Variants in SGCZ observed in about 807,000 individuals in gnomAD.
SGCZ encodes the protein sarcoglycan zeta.
Under a neutral mutation model 41.3 loss-of-function variants are expected in SGCZ, and 40 were observed. That is an observed-to-expected ratio of 0.97 (90% CI 0.75 to 1.26). The LOEUF is 1.26. Ranked by LOEUF, SGCZ falls within the 50% of genes most tolerant of loss-of-function variation. The pLI, the probability that SGCZ is intolerant of heterozygous loss-of-function variation, is 0.00. For missense variants in SGCZ, 552 were observed against 369.8 expected (o/e 1.49, Z -4.04); for synonymous variants, 206 against 137.5 (o/e 1.50, Z -3.49).
intron 2 of SGCZ, among the ~76,000 whole-genome samples, chr8:14,399,523 G>T (rs78702283): frequency 0.027 from 4,061 of 151,580 alleles, 105 homozygotes; most frequent in East Asian, 0.1. Flanking sequence ...ATTTGTTAAA[G>T]AAAAAAAAGT....
Position 14,090,611 on chromosome 8 carries a change from C to CTTGA in SGCZ, c.767_770dup (p.Lys257AsnfsTer27). On this transcript the variant is annotated frameshift_variant, in exon 8 of 8. Transcript: ENST00000382080. LOFTEE classifies it high-confidence loss of function. ...AGGAGCCAGTTGGTAGATTTCCCAGCTTGATTGTCTCTGCATTTAAAAATA... is the reference window on the plus strand; with the variant it reads ...AGGAGCCAGTTGGTAGATTTCCCAGCTTGATTGATTGTCTCTGCATTTAAAAATA... The CTTGA allele has an allele frequency of 6.2e-7, 1 of 1,611,606 alleles. No homozygotes were observed. Among genetic ancestry groups the CTTGA allele is most frequent in the Non-Finnish European group, 8.5e-7 (1 of 1,179,064 alleles).
intron 1 of SGCZ, among the ~76,000 whole-genome samples, chr8:14,990,133 T>C (rs890772583): frequency 1.3e-5 from 2 of 152,180 alleles, no homozygotes; most frequent in Non-Finnish European, 2.9e-5. Context: ...TCTGTTACTT[T>C]ATAAAGTGAA....
chr8:14,530,104 A>G (rs755330771), intron 2 of SGCZ, among the ~76,000 whole-genome samples: 10 of 152,030 alleles, frequency 6.6e-5, no homozygotes, highest in Admixed American at 3.3e-4. Flanking sequence ...CACATTTTCC[A>G]GTATACAAAA....
chr8:14,639,546 C>T (rs184037078), intron 1 of SGCZ, among the ~76,000 whole-genome samples: 309 of 151,782 alleles, frequency 2.0e-3, no homozygotes, highest in Non-Finnish European at 3.7e-3. Context: ...GCTAATGACT[C>T]AATAGTATTC....
chr8:14,406,251 A>T (rs1799209144), intron 2 of SGCZ, among the ~76,000 whole-genome samples: 1 of 152,002 alleles, frequency 6.6e-6, no homozygotes, highest in African/African-American at 2.4e-5. Context: ...CTCAGTTCTC[A>T]TCTCACAGAG....
At chr8:15,159,755 C>G (rs1470216642) in intron 1 of SGCZ, among the ~76,000 whole-genome samples, 16 of 66,892 alleles carry the variant, frequency 2.4e-4, no homozygotes, top group East Asian at 1.3e-3. Context: ...CCCCCCCACC[C>G]CCGCCACACA....
At chr8:14,277,428 A>T (rs866205761) in intron 3 of SGCZ, among the ~76,000 whole-genome samples, 34 of 139,052 alleles carry the variant, frequency 2.4e-4, no homozygotes, top group Middle Eastern at 3.5e-3. Context: ...TCACTTCCTC[A>T]TTTCTGCTAT....
intron 1 of SGCZ, among the ~76,000 whole-genome samples, chr8:14,561,859 C>G (rs1349500948): frequency 6.6e-6 from 1 of 152,112 alleles, no homozygotes; most frequent in Non-Finnish European, 1.5e-5. Flanking sequence ...TTATAAGGTT[C>G]AATGAAAGAT....
intron 1 of SGCZ, among the ~76,000 whole-genome samples, chr8:15,014,897 A>T (rs1410563149): frequency 6.6e-6 from 1 of 152,222 alleles, no homozygotes; most frequent in Non-Finnish European, 1.5e-5. Flanking sequence ...TGGCCCAAGC[A>T]GCCTTCTGTA....
chr8:14,500,276 G>C (rs1480289489), intron 2 of SGCZ, among the ~76,000 whole-genome samples: 4 of 151,926 alleles, frequency 2.6e-5, no homozygotes, highest in Non-Finnish European at 5.9e-5. Flanking sequence ...CCCTGCTTTT[G>C]TTGTTGTTGT....
At chr8:14,745,672 C>T (rs886765276) in intron 1 of SGCZ, among the ~76,000 whole-genome samples, 13 of 151,902 alleles carry the variant, frequency 8.6e-5, no homozygotes, top group South Asian at 2.1e-4. Flanking sequence ...CATACATATA[C>T]GTATCTATAT....
intron 7 of SGCZ, among the ~76,000 whole-genome samples, chr8:14,091,732 G>T (rs28853919): frequency 6.6e-6 from 1 of 151,956 alleles, no homozygotes; most frequent in African/African-American, 2.4e-5. Context: ...GATATTAACC[G>T]TTTGTCAGAT....
intron 2 of SGCZ, among the ~76,000 whole-genome samples, chr8:14,528,576 A>G (rs1803023344): frequency 6.6e-6 from 1 of 152,058 alleles, no homozygotes; most frequent in African/African-American, 2.4e-5. Flanking sequence ...TTTTATTTAA[A>G]ATAGACTTTC....
intron 5 of SGCZ, among the ~76,000 whole-genome samples, chr8:14,156,040 C>A (rs1290543667): frequency 6.6e-6 from 1 of 152,080 alleles, no homozygotes; most frequent in Non-Finnish European, 1.5e-5. Context: ...ACTTCTAGTC[C>A]TGAAGCTTGC....
chr8:14,939,557 T>G (rs1459851421), intron 1 of SGCZ, among the ~76,000 whole-genome samples: 1 of 152,098 alleles, frequency 6.6e-6, no homozygotes, highest in Non-Finnish European at 1.5e-5. Context: ...GCAACAAAAC[T>G]TAGCACAGTC....
chr8:14,509,388 G>C (rs548838497), intron 2 of SGCZ, among the ~76,000 whole-genome samples: 3 of 152,128 alleles, frequency 2.0e-5, no homozygotes, highest in African/African-American at 7.2e-5. Context: ...TAAAATGACA[G>C]AAAATGATAT....
chr8:14,327,967 G>T (rs28592180), intron 2 of SGCZ, among the ~76,000 whole-genome samples: 2 of 152,160 alleles, frequency 1.3e-5, no homozygotes, highest in African/African-American at 2.4e-5. Flanking sequence ...TTTTAGTAGA[G>T]ACAGGGTTTC....
At chr8:14,369,134 A>G (rs769929459) in intron 2 of SGCZ, among the ~76,000 whole-genome samples, 18 of 151,924 alleles carry the variant, frequency 1.2e-4, no homozygotes, top group Non-Finnish European at 2.2e-4. Flanking sequence ...CTATAGTGAT[A>G]TTATATAATG....
intron 1 of SGCZ, among the ~76,000 whole-genome samples, chr8:14,785,954 T>G (rs969991229): frequency 2.0e-5 from 3 of 152,018 alleles, no homozygotes; most frequent in Non-Finnish European, 4.4e-5. Flanking sequence ...TTAAAAAACT[T>G]ATCTCCAAAA....
Sources: allele counts gnomAD v4.1 joint callset (sites outside exome capture counted in the v4.1 genomes callset), GRCh38; gene constraint gnomAD v4.1.1; transcripts MANE v1.5; gene names NCBI Gene and HGNC (gene_info 2026-07-23, HGNC 2026-07-21).